The following AGPAT5 variants were observed in gnomAD, a reference collection of about 807,000 sequenced individuals.
The protein encoded by AGPAT5 is 1-acyl-sn-glycerol-3-phosphate acyltransferase epsilon.
Under a neutral mutation model 45.6 loss-of-function variants are expected in AGPAT5, and 46 were observed. The observed-to-expected ratio is 1.01, with a 90% CI of 0.80 to 1.29. The LOEUF (loss-of-function observed/expected upper bound fraction) is 1.29. AGPAT5 is among the 50% of genes most tolerant of loss of function. The probability of loss-of-function intolerance (pLI) is 0.00; values close to 1 mark genes in which losing one functional copy is unlikely to be tolerated. For missense variants in AGPAT5, 673 were observed against 450.7 expected (o/e 1.49, Z -4.47); for synonymous variants, 272 against 167.0 (o/e 1.63, Z -4.85).
chr8:6,749,950 C>G (rs1469949921), intron 6 of AGPAT5, among the ~76,000 whole-genome samples: 1 of 152,218 alleles, frequency 6.6e-6, no homozygotes, highest in Non-Finnish European at 1.5e-5. Context: ...TTCGCTTCCT[C>G]CTGTGCTGTG....
chr8:6,744,669 C>A (rs1349921592), intron 5 of AGPAT5, among the ~76,000 whole-genome samples: 1 of 152,192 alleles, frequency 6.6e-6, no homozygotes, highest in Admixed American at 6.5e-5. Context: ...ACTGGCTCGC[C>A]CACACCATAT....
intron 2 of AGPAT5, among the ~76,000 whole-genome samples, chr8:6,729,323 C>G (rs887391519): frequency 2.0e-5 from 3 of 148,836 alleles, no homozygotes; most frequent in Non-Finnish European, 3.0e-5. Flanking sequence ...CCTCTAAATC[C>G]TCAGCTTTTA....
At chr8:6,730,973 A>G in intron 3 of AGPAT5, 147 bp downstream of exon 3, 2 of 452,706 alleles carry the variant, frequency 4.4e-6, no homozygotes, top group Non-Finnish European at 7.8e-6. Flanking sequence ...GGCTCAAGTG[A>G]ACCTCCTGCC....
chr8:6,751,431 C>T (rs549458224), intron 6 of AGPAT5, among the ~76,000 whole-genome samples: 86 of 152,350 alleles, frequency 5.6e-4, no homozygotes, highest in Middle Eastern at 3.4e-3. Context: ...CTCCACTCCA[C>T]GTTGCTACCA....
At chr8:6,714,156 G>T (rs2116852259) in intron 1 of AGPAT5, among the ~76,000 whole-genome samples, 1 of 152,250 alleles carries the variant, frequency 6.6e-6, no homozygotes. Context: ...GTCCTAACAA[G>T]AATATGAATC....
intron 1 of AGPAT5, among the ~76,000 whole-genome samples, chr8:6,720,083 C>T (rs1287973570): frequency 6.6e-6 from 1 of 152,136 alleles, no homozygotes; most frequent in Non-Finnish European, 1.5e-5. Context: ...TCTACCTATG[C>T]TGCATATGAT....
At chr8:6,737,316 G>A (rs1801088240) in intron 4 of AGPAT5, among the ~76,000 whole-genome samples, 2 of 152,208 alleles carry the variant, frequency 1.3e-5, no homozygotes, top group Non-Finnish European at 2.9e-5. Context: ...TTTTGTTTCT[G>A]AAGGTGAATT....
intron 1 of AGPAT5, among the ~76,000 whole-genome samples, chr8:6,720,615 CTT>C (rs369234550): frequency 1.9e-3 from 290 of 152,314 alleles, no homozygotes; most frequent in African/African-American, 6.7e-3. Context: ...GAAGCACTGT[CTT>C]TATCTTCAGG....
chr8:6,731,328 T>C (rs1253952749), intron 3 of AGPAT5, among the ~76,000 whole-genome samples: 1 of 152,200 alleles, frequency 6.6e-6, no homozygotes, highest in Non-Finnish European at 1.5e-5. Flanking sequence ...CTTCAGCATC[T>C]GTGGGGATTG....
At chr8:6,743,135 G>C (rs1801291995) in intron 5 of AGPAT5, among the ~76,000 whole-genome samples, 1 of 152,036 alleles carries the variant, frequency 6.6e-6, no homozygotes, top group African/African-American at 2.4e-5. Flanking sequence ...CAACTCTCTG[G>C]CGATTACTTC....
At position 6,756,550 on chromosome 8, in the gene AGPAT5, T is replaced by A. The variant is rs1056400378; in HGVS notation, c.870-613T>A. Among the ~76,000 whole-genome samples, 9 of 150,526 alleles carry A rather than the reference T, an allele frequency of 6.0e-5. No individual in the cohort carries two copies. In the East Asian group the frequency reaches 1.8e-3, roughly 29 times the overall value. On this transcript the variant is annotated intron_variant, in intron 7 of 7. Coordinates refer to ENST00000285518, the MANE Select transcript of AGPAT5 (RefSeq NM_018361.5). ...CGAGGATCACCTGAGCCTGGAAGGT[T>A]GAGACTGCAGTGAGCTATCATTGTG...
At chr8:6,727,821 C>T (rs559558454) in intron 2 of AGPAT5, among the ~76,000 whole-genome samples, 6 of 152,284 alleles carry the variant, frequency 3.9e-5, no homozygotes, top group African/African-American at 1.2e-4. Context: ...GGTTCCTGTT[C>T]GGCATTGCAG....
rs1802013690 is a variant in AGPAT5 at position 6,760,784 on chromosome 8, CATT to C, written c.*3399_*3401del. ...TTACGTTATCACTTAGTATAATTGA[CATT>C]ATATAGAGACTATGTAACATGCAAT... On this transcript the variant is annotated 3_prime_UTR_variant, in exon 8 of 8. Transcript: ENST00000285518. Among the ~76,000 whole-genome samples, 1 of 151,834 alleles carries C rather than the reference CATT, an allele frequency of 6.6e-6. No homozygotes were observed. Among genetic ancestry groups the C allele is most frequent in the Admixed American group, 6.6e-5 (1 of 15,266 alleles).
chr8:6,737,324 A>G (rs1044212377), intron 4 of AGPAT5, among the ~76,000 whole-genome samples: 1 of 152,238 alleles, frequency 6.6e-6, no homozygotes, highest in East Asian at 1.9e-4. Context: ...CTGAAGGTGA[A>G]TTAAGTAAGT....
chr8:6,720,122 C>T (rs913950811), intron 1 of AGPAT5, among the ~76,000 whole-genome samples: 13 of 152,136 alleles, frequency 8.5e-5, no homozygotes, highest in African/African-American at 2.9e-4. Flanking sequence ...GAAAATGAGA[C>T]AGACTTCCAG....
In AGPAT5 at chr8:6,757,274, C is replaced by A; in HGVS notation, c.981C>A (p.Ile327=). 6.2e-7 allele frequency: 1 copy of A among 1,614,148 alleles called. No individual in the cohort carries two copies. The highest frequency in any genetic ancestry group is 2.2e-5 in the East Asian group (1 of 44,886). ...AGAAGACTTTACCATCAATGTTGATCTTAAGTGGTTTGACTGCAGGCATGC... is the reference window on the plus strand; with the variant it reads ...AGAAGACTTTACCATCAATGTTGATATTAAGTGGTTTGACTGCAGGCATGC... ...SIKKTLPSML[I]LSGLTAGMLM... The change falls in exon 8 of 8, where the codon ATC becomes ATA. Residue 327 remains isoleucine (I), a synonymous_variant. Coordinates refer to ENST00000285518, the MANE Select transcript of AGPAT5 (RefSeq NM_018361.5).
chr8:6,722,476 AT>A (rs879535558), intron 1 of AGPAT5, among the ~76,000 whole-genome samples: 1 of 152,188 alleles, frequency 6.6e-6, no homozygotes, highest in Non-Finnish European at 1.5e-5. Flanking sequence ...AAGAATATAT[AT>A]TTTTTAACAA....
intron 7 of AGPAT5, among the ~76,000 whole-genome samples, chr8:6,756,260 C>A (rs1801829615): frequency 6.6e-6 from 1 of 151,998 alleles, no homozygotes. Flanking sequence ...TGAGACAGCC[C>A]AGGTGCAGTG....
chr8:6,719,588 C>A lies in AGPAT5; in HGVS notation c.220-5282C>A, dbSNP rs559916303. On this transcript the variant is annotated intron_variant, in intron 1 of 7. Transcript: ENST00000285518. ...CCAAATATTTGCAAATCAGACATCA[C>A]CATTATCAGCACAAGCTAATAGCAT... Among the ~76,000 whole-genome samples, 21 of 152,280 alleles carry A rather than the reference C, an allele frequency of 1.4e-4. No homozygotes were observed. In the South Asian group the frequency reaches 4.4e-3, roughly 32 times the overall value.
Sources: gnomAD v4.1 joint callset for allele counts (sites outside exome capture counted in the v4.1 genomes callset) on GRCh38, gnomAD v4.1.1 for gene constraint, MANE v1.5 for transcripts, NCBI Gene and HGNC (gene_info 2026-07-23, HGNC 2026-07-21) for gene names.